The following GLG1 variants were observed in gnomAD, a reference collection of about 807,000 sequenced individuals.
The protein encoded by GLG1 is golgi glycoprotein 1, also known as Golgi apparatus protein 1.
GLG1 carries 38 observed loss-of-function variants against 160.5 expected under a neutral mutation model. The ratio of observed to expected loss-of-function variants is 0.24; its 90% confidence interval spans 0.18 to 0.31. GLG1 has a LOEUF of 0.31. Ranked by LOEUF, GLG1 falls within the 10% of genes least tolerant of loss-of-function variation. The pLI is 1.00. For synonymous variants in GLG1, 644 were observed against 543.4 expected, an observed-to-expected ratio of 1.19 and a Z score of -2.57; for missense variants, 1,373 against 1,505.2, an observed-to-expected ratio of 0.91 and a Z score of 1.45.
chr16:74,507,701 A>C (rs2016661761), intron 3 of GLG1, among the ~76,000 whole-genome samples: 1 of 151,986 alleles, frequency 6.6e-6, no homozygotes, highest in Admixed American at 6.6e-5. Flanking sequence ...GCACCACTGC[A>C]CTCCAGCGTG....
At chr16:74,570,760 C>T (rs1190525914) in intron 1 of GLG1, among the ~76,000 whole-genome samples, 8 of 152,070 alleles carry the variant, frequency 5.3e-5, no homozygotes, top group South Asian at 4.1e-4. Flanking sequence ...TGGTGGCACA[C>T]GCCTACAGAC....
intron 1 of GLG1, among the ~76,000 whole-genome samples, chr16:74,590,807 A>G (rs985968265): frequency 5.3e-5 from 8 of 150,748 alleles, no homozygotes; most frequent in African/African-American, 1.5e-4. Flanking sequence ...AAAAAAAAAA[A>G]AAAAGAAAAA....
chr16:74,586,399 A>G (rs1958053481), intron 1 of GLG1, among the ~76,000 whole-genome samples: 1 of 152,170 alleles, frequency 6.6e-6, no homozygotes, highest in East Asian at 1.9e-4. Context: ...AGCTCAACTC[A>G]ATTACAAGAC....
At position 74,540,071 on chromosome 16, in the gene GLG1, T is replaced by TTATA. The variant is rs1163471369; in HGVS notation, c.439-7922_439-7919dup. ...ATTATATATATTTTATATATATATA[T>TTATA]TATATATATTTTATATATATATTAT... is the stretch of plus-strand genomic sequence containing the variant. On this transcript the variant is annotated intron_variant, in intron 1 of 25. Transcript: ENST00000422840. 3.1e-3 allele frequency among the ~76,000 whole-genome samples: 2 copies of TTATA among 652 alleles called. 1 individual carries two copies. The highest frequency in any genetic ancestry group is 5.1e-3 in the African/African-American group (2 of 390). The allele number at this position is 652 out of a possible 152,430, so 0.4% of individuals were successfully genotyped here. A position where few individuals can be genotyped will look rare whatever the true frequency, so the allele number is the denominator to read the frequency against.
At chr16:74,587,694 C>T (rs747638873) in intron 1 of GLG1, among the ~76,000 whole-genome samples, 11 of 152,054 alleles carry the variant, frequency 7.2e-5, no homozygotes, top group Admixed American at 2.6e-4. Context: ...AGTGAAACCC[C>T]GTCTCCACTA....
At chr16:74,468,226 C>CTT (rs201829157) in intron 17 of GLG1, 3,858 of 83,178 alleles carry the variant, frequency 0.046, 969 homozygotes, top group African/African-American at 0.089. Context: ...CTTGAAATGT[C>CTT]TTTTTTTTTT....
chr16:74,542,798 G>GAAGGAAGGAAGA, intron 1 of GLG1, among the ~76,000 whole-genome samples: 1 of 132,334 alleles, frequency 7.6e-6, no homozygotes, highest in East Asian at 2.0e-4. Flanking sequence ...AGGAAGGAAG[G>GAAGGAAGGAAGA]AAGGAAGGAA....
chr16:74,553,620 C>T (rs1287853426), intron 1 of GLG1, among the ~76,000 whole-genome samples: 3 of 151,886 alleles, frequency 2.0e-5, no homozygotes, highest in Non-Finnish European at 4.4e-5. Context: ...CTACAGGTGC[C>T]TGCCACCACG....
chr16:74,526,682 C>A (rs1209266922), intron 2 of GLG1, among the ~76,000 whole-genome samples: 1 of 152,206 alleles, frequency 6.6e-6, no homozygotes, highest in Non-Finnish European at 1.5e-5. Flanking sequence ...CGTGATCACA[C>A]AACTACACTC....
At chr16:74,498,447 A>AAAAATATATATATATATATATATATAT (rs1491293119) in intron 4 of GLG1, among the ~76,000 whole-genome samples, 2 of 8,208 alleles carry the variant, frequency 2.4e-4, no homozygotes, top group Non-Finnish European at 7.8e-4. Flanking sequence ...AAAAAAAAAA[A>AAAAATATATATATATATATATATATAT]GTATATATAT....
intron 3 of GLG1, among the ~76,000 whole-genome samples, chr16:74,504,296 T>C (rs1246122835): frequency 6.6e-6 from 1 of 152,110 alleles, no homozygotes; most frequent in Non-Finnish European, 1.5e-5. Context: ...ATTATTATTA[T>C]TTATCTTTTG....
chr16:74,521,354 G>C (rs1434938559), intron 2 of GLG1, among the ~76,000 whole-genome samples: 1 of 152,164 alleles, frequency 6.6e-6, no homozygotes, highest in East Asian at 1.9e-4. Flanking sequence ...CCAGCTGTAG[G>C]ATAGACTAAG....
At chr16:74,456,553 G>C (rs1460611868) in intron 25 of GLG1, 96 bp downstream of exon 25, 1 of 774,018 alleles carries the variant, frequency 1.3e-6, no homozygotes, top group African/African-American at 1.7e-5. Context: ...ACAGCGAGGA[G>C]AGTGGCATGG....
chr16:74,455,896 A>C (rs746883106), intron 25 of GLG1, among the ~76,000 whole-genome samples: 4 of 152,232 alleles, frequency 2.6e-5, no homozygotes, highest in Non-Finnish European at 5.9e-5. Context: ...CCAAAGCGTT[A>C]TGTAAACTAC....
Position 74,463,347 on chromosome 16 carries a change from AG to A in GLG1, c.2791+8del. The A allele has an allele frequency of 6.2e-7, 1 of 1,613,816 alleles. No individual in the cohort carries two copies. The highest frequency in any genetic ancestry group is 1.1e-5 in the South Asian group (1 of 91,078). Reference sequence around the variant, plus strand: ...CCACGGGGCCAGGAGAGCCAAGCCAAGATCTTACCTGTGTTCTGGGTGATCT... The same window carrying A: ...CCACGGGGCCAGGAGAGCCAAGCCAAATCTTACCTGTGTTCTGGGTGATCT... On this transcript the variant is annotated splice_region_variant and intron_variant, in intron 20 of 25. Coordinates refer to ENST00000422840, the MANE Select transcript of GLG1 (RefSeq NM_001145667.2).
At chr16:74,518,310 C>G (rs944701456) in intron 2 of GLG1, among the ~76,000 whole-genome samples, 4 of 152,102 alleles carry the variant, frequency 2.6e-5, no homozygotes, top group Non-Finnish European at 4.4e-5. Context: ...TACTACAAGG[C>G]TAAAGTAACC....
intron 23 of GLG1, 90 bp from the exon 24 acceptor site, chr16:74,458,084 AGGG>A: frequency 3.0e-6 from 4 of 1,326,452 alleles, no homozygotes; most frequent in Non-Finnish European, 4.2e-6. Flanking sequence ...CTAATAAAAA[AGGG>A]GGGAAGTTGA....
intron 2 of GLG1, among the ~76,000 whole-genome samples, chr16:74,510,329 C>A (rs970121749): frequency 2.6e-5 from 4 of 152,162 alleles, no homozygotes; most frequent in Non-Finnish European, 5.9e-5. Context: ...CTGCACCCAG[C>A]CCATAAGGTC....
intron 1 of GLG1, among the ~76,000 whole-genome samples, chr16:74,597,755 GA>G (rs2143896131): frequency 6.6e-6 from 1 of 151,780 alleles, no homozygotes; most frequent in Non-Finnish European, 1.5e-5. Context: ...TCGGGAGGCT[GA>G]AGCAGGAGAA....
Sources: allele counts gnomAD v4.1 joint callset (sites outside exome capture counted in the v4.1 genomes callset), GRCh38; gene constraint gnomAD v4.1.1; transcripts MANE v1.5; gene names NCBI Gene and HGNC (gene_info 2026-07-23, HGNC 2026-07-21).